Variants in DPPA2 observed in about 807,000 individuals in gnomAD.
DPPA2 encodes the protein developmental pluripotency-associated protein 2.
A neutral mutation model predicts 36.2 loss-of-function variants in DPPA2; 26 were observed. The observed-to-expected ratio is 0.72, with a 90% CI of 0.53 to 1.00. DPPA2 has a LOEUF of 1.00. Among genes scored for constraint, DPPA2 ranks in the 50% least tolerant of loss-of-function variants. The probability of loss-of-function intolerance (pLI) is 0.00; values close to 1 mark genes in which losing one functional copy is unlikely to be tolerated. For missense variants in DPPA2, 361 were observed against 365.1 expected (o/e 0.99, Z 0.09); for synonymous variants, 113 against 123.2 (o/e 0.92, Z 0.55).
chr3:109,308,432 G>C (rs140767380), intron 5 of DPPA2, 139 bp from the exon 6 acceptor site: 25 of 1,178,618 alleles, frequency 2.1e-5, no homozygotes, highest in Non-Finnish European at 2.9e-5. Context: ...GCACGATCTC[G>C]GCTCACCGCA....
intron 6 of DPPA2, among the ~76,000 whole-genome samples, chr3:109,306,804 G>GAA (rs111562563): frequency 1.4e-5 from 2 of 141,506 alleles, no homozygotes; most frequent in African/African-American, 5.2e-5. Flanking sequence ...CGCCTCTACT[G>GAA]AAAAAAAAAA....
At chr3:109,301,654 A>G (rs1707459024) in intron 7 of DPPA2, among the ~76,000 whole-genome samples, 1 of 134,466 alleles carries the variant, frequency 7.4e-6, no homozygotes, top group African/African-American at 2.7e-5. Context: ...TCCATCTCAA[A>G]TAAAAAAAAA....
intron 3 of DPPA2, among the ~76,000 whole-genome samples, chr3:109,311,421 G>A (rs1019126394): frequency 6.6e-6 from 1 of 151,916 alleles, no homozygotes; most frequent in African/African-American, 2.4e-5. Flanking sequence ...CTCATTATTG[G>A]CCTAGAAGAT....
chr3:109,305,113 T>G (rs1005024569), intron 6 of DPPA2, among the ~76,000 whole-genome samples: 22 of 151,860 alleles, frequency 1.4e-4, no homozygotes, highest in African/African-American at 5.1e-4. Context: ...ACCACTGCAC[T>G]CCAGCCTGGG....
At position 109,312,530 on chromosome 3, in the gene DPPA2, T is replaced by C; in HGVS notation, c.181+15A>G. 6.2e-7 allele frequency: 1 copy of C among 1,609,318 alleles called. No individual in the cohort carries two copies. The highest frequency in any genetic ancestry group is 1.1e-5 in the South Asian group (1 of 90,794). On this transcript the variant is annotated intron_variant, in intron 3 of 8. Transcript: ENST00000478945. ...GTTGTAGGAGTAACTAACTGAGCAA[T>C]CCCTGTCCTCATACCTGGATTGTAT...
intron 8 of DPPA2, among the ~76,000 whole-genome samples, chr3:109,298,717 A>AAATAATAATAATAATAAT: frequency 7.0e-6 from 1 of 141,908 alleles, no homozygotes; most frequent in Non-Finnish European, 1.5e-5. Context: ...TTCTGTCTAA[A>AAATAATAATAATAATAAT]AATAATAATA....
intron 3 of DPPA2, among the ~76,000 whole-genome samples, chr3:109,312,018 C>T (rs974519021): frequency 6.6e-5 from 10 of 152,120 alleles, no homozygotes; most frequent in African/African-American, 1.2e-4. Context: ...CTGTCCAAAG[C>T]GCTCCCCATG....
At chr3:109,314,652 G>C in intron 1 of DPPA2, 97 bp from the exon 2 acceptor site, 2 of 1,198,124 alleles carry the variant, frequency 1.7e-6, no homozygotes, top group South Asian at 1.9e-5. Context: ...TCTACTTCCT[G>C]TTACCCAGAT....
At chr3:109,312,402 T>C in intron 3 of DPPA2, 143 bp downstream of exon 3, 1 of 1,050,818 alleles carries the variant, frequency 9.5e-7, no homozygotes, top group African/African-American at 1.6e-5. Flanking sequence ...TATGAGAGTT[T>C]GCAAAATTTC....
intron 6 of DPPA2, among the ~76,000 whole-genome samples, chr3:109,306,548 G>A (rs752514391): frequency 6.6e-6 from 1 of 152,008 alleles, no homozygotes; most frequent in Non-Finnish European, 1.5e-5. Flanking sequence ...GAAAATGGGG[G>A]AGTAAAAAAA....
At chr3:109,310,803 T>C (rs114204856) in intron 3 of DPPA2, among the ~76,000 whole-genome samples, 372 of 149,858 alleles carry the variant, frequency 2.5e-3, no homozygotes, top group African/African-American at 8.4e-3. Flanking sequence ...CGCACCCAGC[T>C]TGCTTTGTTT....
At chr3:109,310,920 G>C (rs527986680) in intron 3 of DPPA2, among the ~76,000 whole-genome samples, 1 of 152,204 alleles carries the variant, frequency 6.6e-6, no homozygotes, top group East Asian at 1.9e-4. Flanking sequence ...TCATGCCTCA[G>C]CCTCCTCAGT....
At chr3:109,301,351 T>C (rs1707454427) in intron 7 of DPPA2, among the ~76,000 whole-genome samples, 1 of 152,040 alleles carries the variant, frequency 6.6e-6, no homozygotes, top group South Asian at 2.1e-4. Flanking sequence ...TTATGGTTTT[T>C]TCATTTAAAA....
chr3:109,296,571 A>T (rs1707354700), intron 8 of DPPA2, among the ~76,000 whole-genome samples: 1 of 152,198 alleles, frequency 6.6e-6, no homozygotes, highest in Non-Finnish European at 1.5e-5. Context: ...GCTGCTTGGG[A>T]GGCTGAGACA....
chr3:109,302,715 G>A (rs994156082), intron 7 of DPPA2, among the ~76,000 whole-genome samples: 1 of 147,302 alleles, frequency 6.8e-6, no homozygotes, highest in African/African-American at 2.5e-5. Context: ...GTCTCCCAAA[G>A]TGCTGGGATT....
Position 109,308,101 on chromosome 3 carries a change from C to T in DPPA2, c.589G>A (p.Val197Ile). The T allele has an allele frequency of 6.2e-7, 1 of 1,614,240 alleles. No homozygotes were observed. Among genetic ancestry groups the T allele is most frequent in the South Asian group, 1.1e-5 (1 of 91,090 alleles). ...ASWARIAARA[V>I]QPKALNSCSI... ...CATGAATTCAAAGCCTTAGGCTGAACAGCTCTTGCAGCAATTCTTGCCCAT... is the reference window on the plus strand; with the variant it reads ...CATGAATTCAAAGCCTTAGGCTGAATAGCTCTTGCAGCAATTCTTGCCCAT... Residue 197 changes from valine to isoleucine, a missense_variant, in exon 6 of 9, where the codon GTT becomes ATT. Val to Ile is a conservative substitution (Grantham distance 29, BLOSUM62 3). Coordinates refer to ENST00000478945, the MANE Select transcript of DPPA2 (RefSeq NM_138815.4).
intron 3 of DPPA2, 94 bp from the exon 4 acceptor site, chr3:109,309,424 A>G (rs1707654304): frequency 6.3e-6 from 9 of 1,422,420 alleles, no homozygotes; most frequent in Non-Finnish European, 8.7e-6. Context: ...ACGGTGGCTC[A>G]CGCCTGTAAT....
chr3:109,314,779 T>G (rs888010463), intron 1 of DPPA2, among the ~76,000 whole-genome samples: 1 of 152,152 alleles, frequency 6.6e-6, no homozygotes, highest in African/African-American at 2.4e-5. Context: ...TTTTAAAAAT[T>G]AGGCTGGGTG....
chr3:109,309,212 C>T lies in DPPA2; in HGVS notation c.300G>A (p.Leu100=). ...AACCGAGTTGTTGACACCAGTCCCG[C>T]AAAGTGTCCCGACACACCTTATTAA... ...PPINKVCRDT[L]RDWCQQLGLS... The change falls in exon 4 of 9, where the codon TTG becomes TTA. Residue 100 remains leucine (L), a synonymous_variant. Transcript: ENST00000478945. The T allele has an allele frequency of 6.2e-7, 1 of 1,614,096 alleles. No individual in the cohort carries two copies. Among genetic ancestry groups the T allele is most frequent in the Non-Finnish European group, 8.5e-7 (1 of 1,180,036 alleles).
Sources: allele counts gnomAD v4.1 joint callset (sites outside exome capture counted in the v4.1 genomes callset), GRCh38; gene constraint gnomAD v4.1.1; transcripts MANE v1.5; gene names NCBI Gene and HGNC (gene_info 2026-07-23, HGNC 2026-07-21).